The following SMPDL3B variants were observed in gnomAD, a reference collection of about 807,000 sequenced individuals.
The protein encoded by SMPDL3B is sphingomyelin phosphodiesterase acid like 3B, also known as acid sphingomyelinase-like phosphodiesterase 3b.
Under a neutral mutation model 37.9 loss-of-function variants are expected in SMPDL3B, and 31 were observed. The ratio of observed to expected loss-of-function variants is 0.82; its 90% confidence interval spans 0.61 to 1.10. SMPDL3B has a LOEUF of 1.10. Among genes scored for constraint, SMPDL3B ranks in the 50% least tolerant of loss-of-function variants. The pLI, the probability that SMPDL3B is intolerant of heterozygous loss-of-function variation, is 0.00. For missense variants in SMPDL3B, 525 were observed against 597.8 expected, an observed-to-expected ratio of 0.88 and a Z score of 1.27; for synonymous variants, 235 against 242.6, an observed-to-expected ratio of 0.97 and a Z score of 0.29.
At chr1:27,950,482 G>T (rs1398229500) in intron 3 of SMPDL3B, among the ~76,000 whole-genome samples, 3 of 152,082 alleles carry the variant, frequency 2.0e-5, no homozygotes, top group African/African-American at 4.8e-5. Flanking sequence ...TTGAGAGAAG[G>T]TCTTGCTGTC....
chr1:27,943,749 A>G (rs746548950), intron 1 of SMPDL3B, among the ~76,000 whole-genome samples: 3 of 152,126 alleles, frequency 2.0e-5, no homozygotes, highest in Non-Finnish European at 4.4e-5. Flanking sequence ...CTGTAATGCC[A>G]GCACTTTGGG....
intron 2 of SMPDL3B, among the ~76,000 whole-genome samples, chr1:27,948,795 G>A (rs2090431197): frequency 6.6e-6 from 1 of 152,188 alleles, no homozygotes; most frequent in South Asian, 2.1e-4. Flanking sequence ...CACTCTGTGA[G>A]TAAGAACTGT....
chr1:27,954,251 G>A, intron 4 of SMPDL3B, 103 bp from the exon 5 acceptor site: 1 of 1,103,928 alleles, frequency 9.1e-7, no homozygotes, highest in South Asian at 1.6e-5. Flanking sequence ...GATGGGAGGG[G>A]AAGATGCAAC....
intron 1 of SMPDL3B, among the ~76,000 whole-genome samples, chr1:27,943,882 CG>C (rs779075001): frequency 5.8e-4 from 88 of 151,760 alleles, no homozygotes; most frequent in Non-Finnish European, 1.0e-3. Context: ...GGCGTGGTGG[CG>C]CATGACTGTA....
At position 27,958,983 on chromosome 1, in the gene SMPDL3B, T is replaced by C; in HGVS notation, c.*145T>C. 1 of 1,020,226 alleles carries C rather than the reference T, an allele frequency of 9.8e-7. No homozygotes were observed. The highest frequency in any genetic ancestry group is 1.4e-6 in the Non-Finnish European group (1 of 722,206). The allele number at this position is 1,020,226 out of a possible 1,614,324, so 63.2% of individuals were successfully genotyped here. A position where few individuals can be genotyped will look rare whatever the true frequency, so the allele number is the denominator to read the frequency against. The stretch of plus-strand genomic sequence containing the variant: ...AATCAGGAAGCGAAGCCCCAGGAGC[T>C]GCAGCCATCCGTGATCGCGCCACTG... On this transcript the variant is annotated 3_prime_UTR_variant, in exon 8 of 8. Transcript: ENST00000373894. The surrounding 1 kb of genome is among the most constrained non-coding windows in gnomAD (Gnocchi z 5.6).
In SMPDL3B at chr1:27,945,703, C is replaced by T. The variant is rs1301065625; in HGVS notation, c.275+258C>T. Among the ~76,000 whole-genome samples the T allele has an allele frequency of 6.6e-6, 1 of 152,166 alleles. No individual in the cohort carries two copies. The highest frequency in any genetic ancestry group is 2.4e-5 in the African/African-American group (1 of 41,444). On this transcript the variant is annotated intron_variant, in intron 2 of 7. Transcript: ENST00000373894. The surrounding 1 kb of genome is among the most constrained non-coding windows in gnomAD (Gnocchi z 4.0). ...TCTCAATCAGGCTTTTGGACGTGGT[C>T]CTGGCATGCCTGGGCACCCGGAGAG...
At chr1:27,951,123 C>T (rs2090452462) in intron 3 of SMPDL3B, among the ~76,000 whole-genome samples, 1 of 152,138 alleles carries the variant, frequency 6.6e-6, no homozygotes, top group Non-Finnish European at 1.5e-5. Context: ...ACTACACTTG[C>T]ATGTTTATTG....
intron 2 of SMPDL3B, among the ~76,000 whole-genome samples, chr1:27,946,445 G>A (rs185869237): frequency 9.2e-5 from 14 of 152,254 alleles, no homozygotes; most frequent in Non-Finnish European, 1.9e-4. Context: ...GCTCAGTTGT[G>A]GGGTAGATGC....
chr1:27,935,157 A>G lies in SMPDL3B; in HGVS notation c.-27A>G. 9 of 1,602,202 alleles carry G rather than the reference A, an allele frequency of 5.6e-6. No homozygotes were observed. Among genetic ancestry groups the G allele is most frequent in the Non-Finnish European group, 7.7e-6 (9 of 1,169,356 alleles). On this transcript the variant is annotated 5_prime_UTR_variant, in exon 1 of 8. Transcript: ENST00000373894. Reference sequence around the variant, plus strand: ...AACAACAACAGTGCCTGAGAATCCCACGGCTCTGGGGAAGTGAGCCCCGAG... The same window carrying G: ...AACAACAACAGTGCCTGAGAATCCCGCGGCTCTGGGGAAGTGAGCCCCGAG...
In SMPDL3B at chr1:27,935,251, C is replaced by T. The variant is rs755589324; in HGVS notation, c.61+7C>T. On this transcript the variant is annotated splice_region_variant and intron_variant, in intron 1 of 7. Transcript: ENST00000373894. ...GGTGCCAGGGCTGAACCAGGTACAG[C>T]ACTGGGAATGTCTGCTATGCCTTTG... The T allele has an allele frequency of 3.7e-6, 6 of 1,607,228 alleles. No individual in the cohort carries two copies. In the Admixed American group the frequency reaches 6.7e-5, roughly 18 times the overall value.
At position 27,958,504 on chromosome 1, in the gene SMPDL3B, G is replaced by C. The variant is rs745924858; in HGVS notation, c.1034G>C (p.Ser345Thr). The change falls in exon 8 of 8, where the codon AGC becomes ACC. Residue 345 changes from serine (S) to threonine (T), a missense_variant. Coordinates refer to ENST00000373894, the MANE Select transcript of SMPDL3B (RefSeq NM_014474.4). The surrounding 1 kb of genome is among the most constrained non-coding windows in gnomAD (Gnocchi z 5.6). The stretch of plus-strand genomic sequence containing the variant: ...ATGGTGACCTACTTCATGAACCTGA[G>C]CCAGGCGAATGCTCAGGGGACGCCG... ...KDMVTYFMNL[S>T]QANAQGTPRW... The C allele has an allele frequency of 6.2e-7, 1 of 1,609,306 alleles. No individual in the cohort carries two copies. Among genetic ancestry groups the C allele is most frequent in the Non-Finnish European group, 8.5e-7 (1 of 1,176,188 alleles).
In SMPDL3B at chr1:27,954,545, T is replaced by G; in HGVS notation, c.690+19T>G. 6.2e-7 allele frequency: 1 copy of G among 1,611,286 alleles called. No homozygotes were observed. The highest frequency in any genetic ancestry group is 8.5e-7 in the Non-Finnish European group (1 of 1,178,160). ...GGACATGGTAAGAGGCCCTGCTTCT[T>G]TCTTTTCTCATCTGGGGTTATTTCC... On this transcript the variant is annotated intron_variant, in intron 5 of 7. Transcript: ENST00000373894.
At chr1:27,947,710 C>T (rs1046430297) in intron 2 of SMPDL3B, among the ~76,000 whole-genome samples, 5 of 147,282 alleles carry the variant, frequency 3.4e-5, no homozygotes, top group Admixed American at 1.4e-4. Flanking sequence ...TGCAGTGGTG[C>T]GATCTCGGCT....
At chr1:27,956,989 G>A (rs1638308972) in intron 7 of SMPDL3B, among the ~76,000 whole-genome samples, 1 of 152,136 alleles carries the variant, frequency 6.6e-6, no homozygotes, top group Non-Finnish European at 1.5e-5. Flanking sequence ...TGCGTGGTAG[G>A]TTAGGGGAAG....
At position 27,955,821 on chromosome 1, in the gene SMPDL3B, G is replaced by C. The variant is rs2090496324; in HGVS notation, c.828G>C (p.Gly276=). Residue 276 remains glycine (G), a synonymous_variant, in exon 6 of 8, where the codon GGG becomes GGC. Coordinates refer to ENST00000373894, the MANE Select transcript of SMPDL3B (RefSeq NM_014474.4). ...GCGTCATAGCAGGGCAGTTCTTCGG[G>C]CACCACCACACCGACAGCTTTCGGA... The part of the protein sequence containing the change: ...HHRVIAGQFF[G]HHHTDSFRML... 6.2e-7 allele frequency: 1 copy of C among 1,614,100 alleles called. No individual in the cohort carries two copies. The highest frequency in any genetic ancestry group is 1.7e-5 in the Admixed American group (1 of 60,018).
chr1:27,947,653 G>A (rs1292444435), intron 2 of SMPDL3B, among the ~76,000 whole-genome samples: 3 of 106,170 alleles, frequency 2.8e-5, no homozygotes, highest in Admixed American at 2.8e-4. Flanking sequence ...GTGTTTTTTT[G>A]TTTTTTTTTT....
chr1:27,936,323 G>A (rs1212778521), intron 1 of SMPDL3B, among the ~76,000 whole-genome samples: 1 of 151,942 alleles, frequency 6.6e-6, no homozygotes, highest in Non-Finnish European at 1.5e-5. Flanking sequence ...TGTGGTAGTG[G>A]GTGCCTGTAG....
chr1:27,938,751 T>A (rs1395450688), intron 1 of SMPDL3B: 1 of 152,218 alleles, frequency 6.6e-6, no homozygotes, highest in African/African-American at 2.4e-5. Flanking sequence ...ATTTAATACA[T>A]TGCAAGAGAC....
intron 1 of SMPDL3B, among the ~76,000 whole-genome samples, chr1:27,940,714 T>A (rs190508074): frequency 6.6e-6 from 1 of 152,320 alleles, no homozygotes; most frequent in African/African-American, 2.4e-5. Flanking sequence ...AAGTTATAGA[T>A]GAATACTGTC....
Sources: allele counts gnomAD v4.1 joint callset (sites outside exome capture counted in the v4.1 genomes callset), GRCh38; gene constraint gnomAD v4.1.1; non-coding constraint Gnocchi (gnomAD v3.1); transcripts MANE v1.5; gene names NCBI Gene and HGNC (gene_info 2026-07-23, HGNC 2026-07-21).